RNF150: variants seen among roughly 807,000 people sequenced by gnomAD.
The protein encoded by RNF150 is ring finger protein 150.
Under a neutral mutation model 39.3 loss-of-function variants are expected in RNF150, and 24 were observed. That is an observed-to-expected ratio of 0.61 (90% CI 0.44 to 0.86). The LOEUF is 0.86. Ranked by LOEUF, RNF150 falls within the 40% of genes least tolerant of loss-of-function variation. RNF150 has a pLI of 0.00. For synonymous variants in RNF150, 255 were observed against 227.3 expected, an observed-to-expected ratio of 1.12 and a Z score of -1.10; for missense variants, 502 against 587.8, an observed-to-expected ratio of 0.85 and a Z score of 1.51.
chr4:141,195,477 C>G (rs1305927977), intron 1 of RNF150, among the ~76,000 whole-genome samples: 1 of 152,180 alleles, frequency 6.6e-6, no homozygotes, highest in East Asian at 1.9e-4. Flanking sequence ...CTCCTTTCCC[C>G]ACCTCCATTC....
chr4:141,105,791 T>C (rs1467087736), intron 1 of RNF150, among the ~76,000 whole-genome samples: 1 of 152,226 alleles, frequency 6.6e-6, no homozygotes, highest in Non-Finnish European at 1.5e-5. Context: ...AGAAATTATT[T>C]CCAAAATCTC....
chr4:140,933,599 T>C (rs551931004), intron 4 of RNF150, among the ~76,000 whole-genome samples: 1 of 152,248 alleles, frequency 6.6e-6, no homozygotes, highest in Non-Finnish European at 1.5e-5. Context: ...GGTTGAAATG[T>C]AGGCTATGTT....
In RNF150 at chr4:141,006,295, T is replaced by TACAC. The variant is rs55837616; in HGVS notation, c.485-38426_485-38423dup. On this transcript the variant is annotated intron_variant, in intron 1 of 6. Coordinates refer to ENST00000515673, the MANE Select transcript of RNF150 (RefSeq NM_020724.2). ...ATACATACATATATACGTATATATA[T>TACAC]ACACACACACACACATTTCTCCATT... Among the ~76,000 whole-genome samples, 11 of 129,220 alleles carry TACAC rather than the reference T, an allele frequency of 8.5e-5. No homozygotes were observed. The East Asian group carries it at 1.2e-3, about 14-fold the overall frequency. 84.8% of individuals were successfully genotyped at this position (129,220 alleles called of 152,430 possible). A position where few individuals can be genotyped will look rare whatever the true frequency, so the allele number is the denominator to read the frequency against.
intron 1 of RNF150, among the ~76,000 whole-genome samples, chr4:141,073,529 C>T (rs1357727452): frequency 6.6e-6 from 1 of 152,090 alleles, no homozygotes; most frequent in Admixed American, 6.6e-5. Context: ...GCGAAGAGGA[C>T]TCTGGAAAGA....
intron 4 of RNF150, among the ~76,000 whole-genome samples, chr4:140,930,952 G>T (rs531129617): frequency 1.1e-4 from 16 of 150,012 alleles, no homozygotes; most frequent in African/African-American, 3.6e-4. Context: ...GTTTTTTTTT[G>T]TTTGCTTTAA....
At chr4:141,052,366 CCTTTTATTTTTTATT>C (rs1026847740) in intron 1 of RNF150, among the ~76,000 whole-genome samples, 2 of 151,998 alleles carry the variant, frequency 1.3e-5, no homozygotes, top group African/African-American at 4.8e-5. Flanking sequence ...AGCAACAAAA[CCTTTTATTTTTTATT>C]CTTTTATTTT....
upstream of RNF150, chr4:141,133,472 TTGTGTGTGTGTGTG>T (rs747971541): frequency 6.5e-6 from 1 of 153,494 alleles, no homozygotes; most frequent in Non-Finnish European, 1.4e-5. Context: ...GTCTGTATGT[TTGTGTGTGTGTGTG>T]TGTGTGTGTA....
At chr4:140,940,412 T>C (rs1203494798) in intron 4 of RNF150, among the ~76,000 whole-genome samples, 2 of 150,748 alleles carry the variant, frequency 1.3e-5, no homozygotes, top group African/African-American at 2.4e-5. Context: ...TGTGTGTGTA[T>C]AACAATTGAA....
At chr4:140,923,152 G>A (rs1198487130) in intron 5 of RNF150, among the ~76,000 whole-genome samples, 1 of 151,994 alleles carries the variant, frequency 6.6e-6, no homozygotes, top group African/African-American at 2.4e-5. Context: ...CTTCTGCACA[G>A]CAAAACAAAC....
intron 1 of RNF150, among the ~76,000 whole-genome samples, chr4:141,187,373 G>A (rs1728031380): frequency 6.6e-6 from 1 of 152,176 alleles, no homozygotes; most frequent in South Asian, 2.1e-4. Flanking sequence ...AGGTCCTCTT[G>A]CTCCAGAGCT....
intron 1 of RNF150, among the ~76,000 whole-genome samples, chr4:141,096,316 G>A (rs560049685): frequency 2.9e-4 from 43 of 149,720 alleles, no homozygotes; most frequent in East Asian, 1.0e-3. Flanking sequence ...CCTGCCTCAG[G>A]CTCCTGAGTA....
intron 5 of RNF150, among the ~76,000 whole-genome samples, chr4:140,915,719 T>C (rs892234060): frequency 1.3e-5 from 2 of 152,176 alleles, no homozygotes; most frequent in Non-Finnish European, 1.5e-5. Flanking sequence ...AGCATGCAGC[T>C]TGAGATCTGA....
intron 1 of RNF150, among the ~76,000 whole-genome samples, chr4:141,205,351 T>C (rs1728357229): frequency 6.6e-6 from 1 of 152,184 alleles, no homozygotes; most frequent in Non-Finnish European, 1.5e-5. Context: ...TTTCAGGCTA[T>C]TATAAATCTC....
intron 1 of RNF150, among the ~76,000 whole-genome samples, chr4:141,141,740 A>C (rs531116212): frequency 6.6e-6 from 1 of 152,134 alleles, no homozygotes; most frequent in Non-Finnish European, 1.5e-5. Context: ...GGTGGAGGTT[A>C]CAGGGAGGCA....
At chr4:141,114,869 A>G (rs1022254695) in intron 1 of RNF150, among the ~76,000 whole-genome samples, 1 of 152,240 alleles carries the variant, frequency 6.6e-6, no homozygotes, top group Non-Finnish European at 1.5e-5. Flanking sequence ...AATTCATCAC[A>G]TAAACAGAAC....
At chr4:140,975,045 C>T (rs1048860479) in intron 1 of RNF150, among the ~76,000 whole-genome samples, 1 of 152,068 alleles carries the variant, frequency 6.6e-6, no homozygotes, top group East Asian at 1.9e-4. Flanking sequence ...TGCTTCAGTT[C>T]AGGAGTTCGA....
At chr4:140,929,706 GTA>G (rs1355795131) in intron 4 of RNF150, among the ~76,000 whole-genome samples, 1 of 152,098 alleles carries the variant, frequency 6.6e-6, no homozygotes, top group Non-Finnish European at 1.5e-5. Context: ...CAAGGCTGTA[GTA>G]TAGTTCTTCA....
intron 1 of RNF150, among the ~76,000 whole-genome samples, chr4:141,071,675 G>A (rs1283063928): frequency 1.3e-5 from 2 of 152,146 alleles, no homozygotes; most frequent in Non-Finnish European, 2.9e-5. Flanking sequence ...ACTCTTGAAA[G>A]GACATATGTT....
intron 1 of RNF150, among the ~76,000 whole-genome samples, chr4:141,019,519 T>C (rs1338576312): frequency 1.3e-5 from 2 of 152,106 alleles, no homozygotes; most frequent in Non-Finnish European, 2.9e-5. Flanking sequence ...GACTTCTTAA[T>C]TGAGCTGTTT....
Sources: allele counts gnomAD v4.1 joint callset (sites outside exome capture counted in the v4.1 genomes callset), GRCh38; gene constraint gnomAD v4.1.1; transcripts MANE v1.5; gene names NCBI Gene and HGNC (gene_info 2026-07-23, HGNC 2026-07-21).